The following CD226 variants were observed in gnomAD, a reference collection of about 807,000 sequenced individuals.
CD226 encodes the protein CD226 molecule, also known as CD226 antigen.
A neutral mutation model predicts 34.9 loss-of-function variants in CD226; 24 were observed. The ratio of observed to expected loss-of-function variants is 0.69; its 90% confidence interval spans 0.50 to 0.97. The LOEUF is 0.97. Ranked by LOEUF, CD226 falls within the 50% of genes least tolerant of loss-of-function variation. CD226 has a pLI of 0.00. For missense variants in CD226, 397 were observed against 412.7 expected (o/e 0.96, Z 0.33); for synonymous variants, 148 against 147.4 (o/e 1.00, Z -0.03).
Position 69,855,028 on chromosome 18 carries a change from ATAGT to A in CD226, c.*9282_*9285del, listed in dbSNP as rs1369835657. On this transcript the variant is annotated 3_prime_UTR_variant, in exon 6 of 6. Transcript: ENST00000582621. ...TATAACAGACTTTAAACACAGTCTA[ATAGT>A]TAGTCAGATTAAGATAAGTCTGCAA... is the stretch of plus-strand genomic sequence containing the variant. 5.3e-5 allele frequency: 8 copies of A among 152,332 alleles called. No individual in the cohort carries two copies. The highest frequency in any genetic ancestry group is 4.1e-4 in the South Asian group (2 of 4,830). 9.4% of individuals were successfully genotyped at this position (152,332 alleles called of 1,614,324 possible). A position where few individuals can be genotyped will look rare whatever the true frequency, so the allele number is the denominator to read the frequency against.
At chr18:69,890,447 G>A (rs72955876) in intron 3 of CD226, among the ~76,000 whole-genome samples, 3,023 of 151,634 alleles carry the variant, frequency 0.02, 50 homozygotes, top group Middle Eastern at 0.044. Context: ...CTCATAACCC[G>A]GTCTCAAAAA....
At chr18:69,923,297 T>A (rs567024144) in intron 2 of CD226, among the ~76,000 whole-genome samples, 2 of 152,160 alleles carry the variant, frequency 1.3e-5, no homozygotes, top group African/African-American at 4.8e-5. Flanking sequence ...CATGGCATCA[T>A]AATGTTGGAA....
chr18:69,937,071 A>T (rs1018738635), intron 2 of CD226, among the ~76,000 whole-genome samples: 1 of 152,244 alleles, frequency 6.6e-6, no homozygotes, highest in Non-Finnish European at 1.5e-5. Context: ...AGCCGAAATG[A>T]AAGTGTGCAA....
intron 2 of CD226, among the ~76,000 whole-genome samples, chr18:69,912,426 C>G (rs2145289301): frequency 6.6e-6 from 1 of 152,262 alleles, no homozygotes; most frequent in African/African-American, 2.4e-5. Flanking sequence ...GATGCCCCTT[C>G]TATGTTTTTG....
At chr18:69,894,623 AAGGGGAGGGGAGG>A (rs1247067770) in intron 3 of CD226, among the ~76,000 whole-genome samples, 28 of 32,550 alleles carry the variant, frequency 8.6e-4, no homozygotes, top group Non-Finnish European at 1.0e-3. Context: ...GGAGGGAAGG[AAGGGGAGGGGAGG>A]AGGGGAGGGG....
intron 2 of CD226, among the ~76,000 whole-genome samples, chr18:69,896,877 C>T (rs1206165734): frequency 2.6e-5 from 4 of 152,178 alleles, no homozygotes; most frequent in South Asian, 2.1e-4. Context: ...TAGGGCCCCA[C>T]ATGTGGTATC....
chr18:69,872,856 AC>A (rs1983620560), intron 4 of CD226, among the ~76,000 whole-genome samples: 1 of 151,722 alleles, frequency 6.6e-6, no homozygotes, highest in Non-Finnish European at 1.5e-5. Flanking sequence ...CACACACACC[AC>A]CCCCTCGCTG....
upstream of CD226, among the ~76,000 whole-genome samples, chr18:69,958,107 C>T (rs567601363): frequency 4.9e-4 from 75 of 152,324 alleles, no homozygotes; most frequent in African/African-American, 1.7e-3. Context: ...CTGGGGCCCA[C>T]ATCTGTCCTG....
rs891438870 is a variant in CD226 at position 69,854,204 on chromosome 18, G to A, written c.*10110C>T. The A allele has an allele frequency of 6.6e-6, 1 of 152,206 alleles. No homozygotes were observed. Among genetic ancestry groups the A allele is most frequent in the Admixed American group, 6.6e-5 (1 of 15,266 alleles). The allele number at this position is 152,206 out of a possible 1,614,324, so 9.4% of individuals were successfully genotyped here. A position where few individuals can be genotyped will look rare whatever the true frequency, so the allele number is the denominator to read the frequency against. ...ATGACTTTTCTTATTAGACCTATTAGAGAACCAAGGTCCTGAGCAAACTGC... is the reference window on the plus strand; with the variant it reads ...ATGACTTTTCTTATTAGACCTATTAAAGAACCAAGGTCCTGAGCAAACTGC... On this transcript the variant is annotated 3_prime_UTR_variant, in exon 6 of 6. Coordinates refer to ENST00000582621, the MANE Select transcript of CD226 (RefSeq NM_001303618.2).
At chr18:69,945,642 T>A (rs1016025289) in intron 2 of CD226, among the ~76,000 whole-genome samples, 5 of 152,084 alleles carry the variant, frequency 3.3e-5, no homozygotes, top group African/African-American at 1.2e-4. Context: ...TCACTTGAAC[T>A]CAGGAGTCCA....
chr18:69,880,097 T>C (rs1159744416), intron 3 of CD226, among the ~76,000 whole-genome samples: 1 of 151,792 alleles, frequency 6.6e-6, no homozygotes, highest in African/African-American at 2.4e-5. Flanking sequence ...GTAGGTAGGT[T>C]CAGTAATAAA....
chr18:69,916,850 A>G (rs757775238), intron 2 of CD226, among the ~76,000 whole-genome samples: 1 of 152,186 alleles, frequency 6.6e-6, no homozygotes, highest in Non-Finnish European at 1.5e-5. Flanking sequence ...CTGCATACGA[A>G]TTCTGAACCT....
chr18:69,870,565 A>C (rs1983460364), intron 4 of CD226, among the ~76,000 whole-genome samples: 1 of 152,088 alleles, frequency 6.6e-6, no homozygotes, highest in South Asian at 2.1e-4. Context: ...GTGAGCCACC[A>C]TGCCTGGCCA....
upstream of CD226, among the ~76,000 whole-genome samples, chr18:69,960,658 C>T (rs984034777): frequency 6.6e-6 from 1 of 152,178 alleles, no homozygotes; most frequent in Non-Finnish European, 1.5e-5. Context: ...CCTTCTTGGC[C>T]AGGCTCGTCT....
intron 3 of CD226, among the ~76,000 whole-genome samples, chr18:69,876,855 CTTTTTTT>C (rs10618085): frequency 3.1e-5 from 2 of 64,072 alleles, no homozygotes; most frequent in Admixed American, 2.0e-4. Flanking sequence ...GCCTCTAGAA[CTTTTTTT>C]TTTTTTTTTT....
Position 69,856,361 on chromosome 18 carries a change from C to T in CD226, c.*7953G>A, listed in dbSNP as rs1217319513. ...CCACTATTTTACTTGCAGTCTTTAA[C>T]GAGACTTGATCACTTGATCTGTCAG... On this transcript the variant is annotated 3_prime_UTR_variant, in exon 6 of 6. Transcript: ENST00000582621. 4 of 152,070 alleles carry T rather than the reference C, an allele frequency of 2.6e-5. No individual in the cohort carries two copies. The highest frequency in any genetic ancestry group is 6.6e-5 in the Admixed American group (1 of 15,256). The allele number at this position is 152,070 out of a possible 1,614,324, so 9.4% of individuals were successfully genotyped here.
intron 2 of CD226, among the ~76,000 whole-genome samples, chr18:69,907,613 G>C (rs2055272053): frequency 6.6e-6 from 1 of 152,084 alleles, no homozygotes; most frequent in Non-Finnish European, 1.5e-5. Context: ...CCTGGCCCTT[G>C]AATGTCTTCT....
intron 2 of CD226, among the ~76,000 whole-genome samples, chr18:69,933,295 C>A (rs2145336782): frequency 6.6e-6 from 1 of 152,312 alleles, no homozygotes; most frequent in Middle Eastern, 3.4e-3. Flanking sequence ...GGACCTTCCA[C>A]CCTCCGACCT....
At chr18:69,901,184 G>T (rs1203728877) in intron 2 of CD226, among the ~76,000 whole-genome samples, 1 of 152,066 alleles carries the variant, frequency 6.6e-6, no homozygotes, top group African/African-American at 2.4e-5. Context: ...AAGGTGGAGA[G>T]GAATCAACCT....
Sources: gnomAD v4.1 joint callset for allele counts (sites outside exome capture counted in the v4.1 genomes callset) on GRCh38, gnomAD v4.1.1 for gene constraint, MANE v1.5 for transcripts, NCBI Gene and HGNC (gene_info 2026-07-23, HGNC 2026-07-21) for gene names.